Variants in DNAH11 observed in about 807,000 individuals in gnomAD.
DNAH11 encodes dynein axonemal heavy chain 11.
A neutral mutation model predicts 526.0 loss-of-function variants in DNAH11; 442 were observed. The ratio of observed to expected loss-of-function variants is 0.84; its 90% CI spans 0.78 to 0.91. DNAH11 has a LOEUF of 0.91. Ranked by LOEUF, DNAH11 falls within the 40% of genes least tolerant of loss-of-function variation. The pLI is 0.00. For synonymous variants in DNAH11, 2,461 were observed against 1,935.9 expected (o/e 1.27, Z -7.12); for missense variants, 6,989 against 5,448.7 (o/e 1.28, Z -8.90).
intron 25 of DNAH11, among the ~76,000 whole-genome samples, chr7:21,630,555 C>G (rs963088162): frequency 3.3e-5 from 5 of 152,134 alleles, no homozygotes; most frequent in African/African-American, 1.2e-4. Context: ...TTCAATCTGT[C>G]TCTCATATTT....
chr7:21,555,877 C>A (rs558126738), intron 2 of DNAH11, among the ~76,000 whole-genome samples: 2 of 152,130 alleles, frequency 1.3e-5, no homozygotes, highest in African/African-American at 4.8e-5. Flanking sequence ...AGATCCCAGA[C>A]GGGCCCCCAA....
In DNAH11 at chr7:21,705,501, C is replaced by CT; in HGVS notation, c.6513dup (p.Val2172CysfsTer11). 6.2e-7 allele frequency: 1 copy of CT among 1,613,636 alleles called. No individual in the cohort carries two copies. The highest frequency in any genetic ancestry group is 8.5e-7 in the Non-Finnish European group (1 of 1,179,706). On this transcript the variant is annotated frameshift_variant, in exon 39 of 82. Transcript: ENST00000409508. LOFTEE classifies it high-confidence loss of function. ...AACTGTTGGCTGTGCGGCACTCGGT[C>CT]TTTGTAGTTGGAAATGCAGGCACAG...
chr7:21,867,260 A>G (rs1408537611), intron 71 of DNAH11, among the ~76,000 whole-genome samples: 1 of 152,006 alleles, frequency 6.6e-6, no homozygotes, highest in African/African-American at 2.4e-5. Context: ...TTCCTTCCCT[A>G]TTGTGTTTCT....
intron 57 of DNAH11, among the ~76,000 whole-genome samples, chr7:21,781,683 C>T (rs761223589): frequency 5.9e-5 from 9 of 152,082 alleles, no homozygotes; most frequent in Non-Finnish European, 1.3e-4. Context: ...TTTAGAGGAT[C>T]ATAAGGAAAT....
intron 9 of DNAH11, among the ~76,000 whole-genome samples, chr7:21,582,955 A>G (rs1202633325): frequency 2.6e-5 from 4 of 152,126 alleles, no homozygotes; most frequent in African/African-American, 9.7e-5. Flanking sequence ...TTTAACATAA[A>G]GAATTCACGA....
At chr7:21,631,775 C>T (rs987991948) in intron 25 of DNAH11, among the ~76,000 whole-genome samples, 1 of 152,184 alleles carries the variant, frequency 6.6e-6, no homozygotes, top group African/African-American at 2.4e-5. Context: ...TGTTGAGTAT[C>T]TGCAGCTTTT....
At chr7:21,900,448 T>C (rs965243698) in intron 81 of DNAH11, among the ~76,000 whole-genome samples, 2 of 101,926 alleles carry the variant, frequency 2.0e-5, no homozygotes, top group South Asian at 3.7e-4. Context: ...CTTCTATTGT[T>C]TAAAAACTGT....
At chr7:21,584,312 G>T (rs951718131) in intron 9 of DNAH11, among the ~76,000 whole-genome samples, 56 of 152,104 alleles carry the variant, frequency 3.7e-4, no homozygotes, top group African/African-American at 1.2e-3. Flanking sequence ...AACATTCTCA[G>T]CAAACTAACA....
At chr7:21,644,170 A>G (rs1787247715) in intron 28 of DNAH11, among the ~76,000 whole-genome samples, 3 of 152,224 alleles carry the variant, frequency 2.0e-5, no homozygotes, top group Admixed American at 2.0e-4. Context: ...TGGCATTCAA[A>G]AAGGTGCTTG....
At chr7:21,578,455 TG>T (rs976701449) in intron 8 of DNAH11, among the ~76,000 whole-genome samples, 16 of 152,264 alleles carry the variant, frequency 1.1e-4, no homozygotes, top group Non-Finnish European at 2.2e-4. Flanking sequence ...CCTGTGGCTC[TG>T]CAGGGTACAG....
intron 81 of DNAH11, 133 bp from the exon 82 acceptor site, chr7:21,900,874 T>TAAAAATACCACTGACAAGC: frequency 7.0e-7 from 1 of 1,436,550 alleles, no homozygotes; most frequent in Non-Finnish European, 9.2e-7. Context: ...GCCAGCTCAG[T>TAAAAATACCACTGACAAGC]AAAAATACCA....
intron 65 of DNAH11, among the ~76,000 whole-genome samples, chr7:21,821,326 T>C (rs886084672): frequency 2.6e-5 from 4 of 152,168 alleles, no homozygotes; most frequent in African/African-American, 4.8e-5. Flanking sequence ...TAAAAGGATG[T>C]TGGTTGACCA....
rs576497892 is a variant in DNAH11, at chr7:21,679,886, A to G, written c.5329-1660A>G. Among the ~76,000 whole-genome samples the G allele has an allele frequency of 4.1e-3, 620 of 152,268 alleles. 2 individuals are homozygous for G. Among genetic ancestry groups the G allele is most frequent in the Middle Eastern group, 6.8e-3 (2 of 294 alleles). On this transcript the variant is annotated intron_variant, in intron 30 of 81. Transcript: ENST00000409508. Reference sequence around the variant, plus strand: ...TTTTTTAAAAAATTTTATTATTATTATACTTTAAGTTTTAGGGTACATGTG... The same window carrying G: ...TTTTTTAAAAAATTTTATTATTATTGTACTTTAAGTTTTAGGGTACATGTG...
intron 55 of DNAH11, among the ~76,000 whole-genome samples, chr7:21,773,433 A>G (rs1487908691): frequency 6.6e-6 from 1 of 150,820 alleles, no homozygotes; most frequent in Non-Finnish European, 1.5e-5. Flanking sequence ...TTCTCAGGAT[A>G]TTGTGTCTGT....
At position 21,651,448 on chromosome 7, in the gene DNAH11, C is replaced by T. The variant is rs541224605; in HGVS notation, c.4945-4384C>T. ...CGCGATCTCAGCTCACTGCAACCTC[C>T]GCCCCTCCAGGTTTAAGCAATTCTC... On this transcript the variant is annotated intron_variant, in intron 28 of 81. Transcript: ENST00000409508. Among the ~76,000 whole-genome samples, 106 of 152,142 alleles carry T rather than the reference C, an allele frequency of 7.0e-4. 1 individual carries two copies. Among genetic ancestry groups the T allele is most frequent in the African/African-American group, 2.5e-3 (104 of 41,494 alleles).
intron 75 of DNAH11, among the ~76,000 whole-genome samples, chr7:21,881,293 A>G (rs1783916046): frequency 6.6e-6 from 1 of 152,230 alleles, no homozygotes; most frequent in South Asian, 2.1e-4. Context: ...ATTAGTTCTG[A>G]TGATGGAAGC....
At chr7:21,635,020 A>G (rs1270270911) in intron 25 of DNAH11, among the ~76,000 whole-genome samples, 3 of 152,226 alleles carry the variant, frequency 2.0e-5, no homozygotes, top group Non-Finnish European at 2.9e-5. Context: ...TAAAACTGCA[A>G]CCAATACTTG....
At chr7:21,716,507 G>T (rs1032342388) in intron 42 of DNAH11, among the ~76,000 whole-genome samples, 1 of 152,118 alleles carries the variant, frequency 6.6e-6, no homozygotes, top group Admixed American at 6.6e-5. Flanking sequence ...TTAAAAAATG[G>T]TGGAACCAAG....
chr7:21,854,446 C>A lies in DNAH11; in HGVS notation c.11193C>A (p.Phe3731Leu). ...AAAAAATCAACCCCCTCTACCAATT[C>A]TCTTTGAAGGTAATGCTGAATGAGC... ...DLQKINPLYQ[F>L]SLKAFNVLFH... The change falls in exon 68 of 82, where the codon TTC becomes TTA. Residue 3731 changes from phenylalanine to leucine, a missense_variant. Phe to Leu is a conservative substitution (Grantham distance 22, BLOSUM62 0). Transcript: ENST00000409508. The A allele has an allele frequency of 1.9e-6, 3 of 1,613,656 alleles. No homozygotes were observed. Among genetic ancestry groups the A allele is most frequent in the Non-Finnish European group, 1.7e-6 (2 of 1,179,784 alleles).
Sources: gnomAD v4.1 joint callset for allele counts (sites outside exome capture counted in the v4.1 genomes callset) on GRCh38, gnomAD v4.1.1 for gene constraint, MANE v1.5 for transcripts, NCBI Gene and HGNC (gene_info 2026-07-23, HGNC 2026-07-21) for gene names.